BLTP3B: variants seen among roughly 807,000 people sequenced by gnomAD.
BLTP3B encodes UHRF1 (ICBP90) binding protein 1-like.
chr12:100,113,076 T>TG, the BLTP3B span, among the ~76,000 whole-genome samples: 1 of 151,340 alleles, frequency 6.6e-6, no homozygotes, highest in Non-Finnish European at 1.5e-5. Context: ...GAGGCTAAGG[T>TG]GGGGGGATCA....
the BLTP3B span, among the ~76,000 whole-genome samples, chr12:100,097,980 G>A: frequency 6.6e-6 from 1 of 152,146 alleles, no homozygotes; most frequent in Non-Finnish European, 1.5e-5. Context: ...ACTATGGGAG[G>A]ACAAGGCAGG....
chr12:100,081,185 T>C, the BLTP3B span, among the ~76,000 whole-genome samples: 1 of 152,156 alleles, frequency 6.6e-6, no homozygotes, highest in Admixed American at 6.5e-5. Flanking sequence ...CAGTCTCGGG[T>C]ATGTCTTTAT....
chr12:100,136,810 C>A, the BLTP3B span, among the ~76,000 whole-genome samples: 2 of 147,718 alleles, frequency 1.4e-5, no homozygotes, highest in South Asian at 2.2e-4. Context: ...TCTTTTTTTT[C>A]TTTTTTTTTA....
At chr12:100,137,422 T>A in the BLTP3B span, among the ~76,000 whole-genome samples, 1 of 152,178 alleles carries the variant, frequency 6.6e-6, no homozygotes, top group African/African-American at 2.4e-5. Context: ...GTTTAACCCT[T>A]CTGAATGTCC....
At chr12:100,059,834 CTTGT>C in the BLTP3B span, 127 of 1,595,988 alleles carry the variant, frequency 8.0e-5, no homozygotes, top group African/African-American at 1.5e-3. Context: ...ATTACTACTA[CTTGT>C]TTGTATGATA....
At chr12:100,047,491 T>C in the BLTP3B span, 5 of 1,494,114 alleles carry the variant, frequency 3.3e-6, no homozygotes, top group Middle Eastern at 1.7e-4. Flanking sequence ...AAGAGCAAAA[T>C]TCCATCTCAT....
At chr12:100,102,173 G>T in the BLTP3B span, among the ~76,000 whole-genome samples, 2 of 148,610 alleles carry the variant, frequency 1.3e-5, no homozygotes, top group Middle Eastern at 3.3e-3. Context: ...GCAATGGCGC[G>T]ATCTTGGCTC....
chr12:100,057,785 A>G, the BLTP3B span: 1 of 1,512,434 alleles, frequency 6.6e-7, no homozygotes, highest in Non-Finnish European at 8.8e-7. Flanking sequence ...ACATATAGAG[A>G]AAAGAATTCT....
the BLTP3B span, chr12:100,084,381 C>A: frequency 5.6e-5 from 1 of 17,868 alleles, no homozygotes; most frequent in Non-Finnish European, 7.4e-5. Context: ...ACTATGATCA[C>A]ACACACACAC....
At chr12:100,070,672 G>T in the BLTP3B span, among the ~76,000 whole-genome samples, 1 of 152,100 alleles carries the variant, frequency 6.6e-6, no homozygotes, top group African/African-American at 2.4e-5. Flanking sequence ...ATGGTATAAG[G>T]ATCAGAAGTT....
the BLTP3B span, among the ~76,000 whole-genome samples, chr12:100,064,274 A>G: frequency 6.6e-6 from 1 of 152,200 alleles, no homozygotes; most frequent in Non-Finnish European, 1.5e-5. Flanking sequence ...AAAGCCTCCA[A>G]GAAGTCTGGG....
At chr12:100,060,160 G>A in the BLTP3B span, 47 of 812,962 alleles carry the variant, frequency 5.8e-5, no homozygotes, top group South Asian at 3.3e-4. Context: ...ACAAATTTGA[G>A]GTATTATTTA....
the BLTP3B span, among the ~76,000 whole-genome samples, chr12:100,081,228 G>GA: frequency 1.3e-5 from 2 of 151,994 alleles, no homozygotes; most frequent in Non-Finnish European, 2.9e-5. Context: ...TACAGAGGAG[G>GA]AAAAAAAGAC....
chr12:100,059,391 T>A, the BLTP3B span: 1 of 1,614,018 alleles, frequency 6.2e-7, no homozygotes, highest in Middle Eastern at 1.6e-4. Flanking sequence ...ATCTTTAAAG[T>A]CTTGAAACAA....
the BLTP3B span, chr12:100,050,377 AAAT>A: frequency 6.9e-7 from 1 of 1,453,648 alleles, no homozygotes; most frequent in Non-Finnish European, 9.2e-7. Flanking sequence ...AAAATTTAAG[AAAT>A]AATATAGGAA....
At chr12:100,128,729 C>T in the BLTP3B span, 5 of 1,286,626 alleles carry the variant, frequency 3.9e-6, no homozygotes, top group East Asian at 5.6e-5. Flanking sequence ...GGGAACGCTG[C>T]AGGGAATGGG....
the BLTP3B span, among the ~76,000 whole-genome samples, chr12:100,103,483 T>A: frequency 1.3e-5 from 2 of 152,184 alleles, no homozygotes; most frequent in Admixed American, 1.3e-4. Context: ...ATGTTCTTGA[T>A]CATTGTATTT....
the BLTP3B span, among the ~76,000 whole-genome samples, chr12:100,103,513 G>A: frequency 7.3e-5 from 11 of 151,628 alleles, no homozygotes; most frequent in African/African-American, 2.4e-4. Context: ...ACGAACAAAT[G>A]ATCAATTTTC....
the BLTP3B span, among the ~76,000 whole-genome samples, chr12:100,126,175 C>T: frequency 0.012 from 1,764 of 152,240 alleles, 25 homozygotes; most frequent in Middle Eastern, 0.02. Flanking sequence ...CGTTTTTAAA[C>T]AGTAAGTTTT....
Sources: allele counts gnomAD v4.1 joint callset (sites outside exome capture counted in the v4.1 genomes callset), GRCh38; gene constraint gnomAD v4.1.1; transcripts MANE v1.5; gene names NCBI Gene and HGNC (gene_info 2026-07-23, HGNC 2026-07-21).